Variants in XKR4 observed in about 807,000 individuals in gnomAD.
XKR4 encodes the protein XK-related protein 4.
XKR4 carries 12 observed loss-of-function variants against 53.9 expected under a neutral mutation model. That is an observed-to-expected ratio of 0.22 (90% CI 0.14 to 0.36). The LOEUF is 0.36. XKR4 is among the 10% of genes least tolerant of loss of function. The pLI is 1.00. For missense variants in XKR4, 799 were observed against 859.5 expected, an observed-to-expected ratio of 0.93 and a Z score of 0.88; for synonymous variants, 354 against 362.4, an observed-to-expected ratio of 0.98 and a Z score of 0.26.
chr8:55,272,844 G>A, intron 1 of XKR4: 1 of 429,178 alleles, frequency 2.3e-6, no homozygotes, highest in South Asian at 1.7e-5. Context: ...ATGTTTTAGA[G>A]TAAATTTTAA....
At chr8:55,232,659 T>C (rs1554571303) in intron 1 of XKR4, among the ~76,000 whole-genome samples, 1 of 152,226 alleles carries the variant, frequency 6.6e-6, no homozygotes, top group Non-Finnish European at 1.5e-5. Flanking sequence ...AACCCATTTT[T>C]CAAAAATTAC....
Position 55,397,715 on chromosome 8 carries a change from A to G in XKR4, c.1006+39838A>G, listed in dbSNP as rs145231756. The stretch of plus-strand genomic sequence containing the variant: ...AGCCCGTGGGTGCATTCTAAGTCCC[A>G]TTGTCACAGTCAGCTCATTTTCAGC... On this transcript the variant is annotated intron_variant, in intron 2 of 2. Coordinates refer to ENST00000327381, the MANE Select transcript of XKR4 (RefSeq NM_052898.2). 4.0e-3 allele frequency among the ~76,000 whole-genome samples: 607 copies of G among 152,210 alleles called. 5 individuals carry two copies. The highest frequency in any genetic ancestry group is 0.017 in the Middle Eastern group (5 of 294).
At chr8:55,368,757 CT>C (rs1389206600) in intron 2 of XKR4, among the ~76,000 whole-genome samples, 1 of 152,128 alleles carries the variant, frequency 6.6e-6, no homozygotes, top group Non-Finnish European at 1.5e-5. Flanking sequence ...CTCAAAAGTC[CT>C]CTGACTGAAG....
intron 2 of XKR4, chr8:55,450,149 G>T: frequency 1.5e-6 from 1 of 678,318 alleles, no homozygotes; most frequent in African/African-American, 1.8e-5. Context: ...AACCTCTGCA[G>T]GCGTGAGATG....
At chr8:55,424,631 T>C (rs1318999606) in intron 2 of XKR4, among the ~76,000 whole-genome samples, 2 of 152,252 alleles carry the variant, frequency 1.3e-5, no homozygotes, top group Non-Finnish European at 2.9e-5. Context: ...CACACGTCAG[T>C]ATCACAAAGA....
intron 1 of XKR4, among the ~76,000 whole-genome samples, chr8:55,303,018 C>A (rs1423921765): frequency 2.6e-5 from 4 of 152,084 alleles, no homozygotes; most frequent in Non-Finnish European, 4.4e-5. Flanking sequence ...CCCTGGCCAG[C>A]ACTTCCAACA....
At chr8:55,451,631 A>G (rs2939633) in intron 2 of XKR4, 673,744 of 1,523,508 alleles carry the variant, frequency 0.44, 152,562 homozygotes, top group East Asian at 0.52. Context: ...TAGCAGTAGG[A>G]CACGCGCTGC....
chr8:55,178,625 C>T (rs1246114140), intron 1 of XKR4, among the ~76,000 whole-genome samples: 1 of 152,174 alleles, frequency 6.6e-6, no homozygotes, highest in African/African-American at 2.4e-5. Context: ...GACCCCTGAG[C>T]TGACCATCAG....
chr8:55,211,507 G>C (rs1563484170), intron 1 of XKR4, among the ~76,000 whole-genome samples: 2 of 152,090 alleles, frequency 1.3e-5, no homozygotes, highest in Non-Finnish European at 2.9e-5. Context: ...TCTTTACTAT[G>C]GTATGTCACT....
chr8:55,495,602 G>A (rs1015315288), intron 2 of XKR4, among the ~76,000 whole-genome samples: 1 of 152,188 alleles, frequency 6.6e-6, no homozygotes, highest in African/African-American at 2.4e-5. Flanking sequence ...GGGTGGATTT[G>A]AGGATTGTCT....
intron 1 of XKR4, among the ~76,000 whole-genome samples, chr8:55,213,121 A>G (rs1332932737): frequency 1.3e-5 from 2 of 152,192 alleles, no homozygotes; most frequent in Non-Finnish European, 2.9e-5. Flanking sequence ...GGAATGCCTA[A>G]CTTTCTGAGA....
chr8:55,372,823 G>A (rs749310119), intron 2 of XKR4, among the ~76,000 whole-genome samples: 1 of 152,152 alleles, frequency 6.6e-6, no homozygotes, highest in Non-Finnish European at 1.5e-5. Flanking sequence ...CCTACTGAGG[G>A]ATTTTAAAAC....
intron 1 of XKR4, among the ~76,000 whole-genome samples, chr8:55,137,950 G>A (rs1244811550): frequency 1.3e-5 from 2 of 151,576 alleles, no homozygotes; most frequent in Non-Finnish European, 2.9e-5. Context: ...TAGTATAAAG[G>A]GCACACCCAA....
At chr8:55,137,176 A>G (rs566637662) in intron 1 of XKR4, among the ~76,000 whole-genome samples, 4 of 152,302 alleles carry the variant, frequency 2.6e-5, no homozygotes, top group South Asian at 2.1e-4. Context: ...GCTAGAAAAA[A>G]GGTTAGAAGA....
At chr8:55,374,519 A>C (rs1804119080) in intron 2 of XKR4, among the ~76,000 whole-genome samples, 1 of 152,244 alleles carries the variant, frequency 6.6e-6, no homozygotes, top group Non-Finnish European at 1.5e-5. Context: ...GAGAAGGCCA[A>C]GCGCAGAACT....
Position 55,202,161 on chromosome 8 carries a change from A to C in XKR4, c.806+98867A>C, listed in dbSNP as rs142350578. 4.4e-3 allele frequency among the ~76,000 whole-genome samples: 668 copies of C among 152,348 alleles called. 1 individual carries two copies. Among genetic ancestry groups the C allele is most frequent in the Non-Finnish European group, 7.3e-3 (497 of 68,028 alleles). ...ACAAGGAAGTTGGCTCCAAATTTGA[A>C]GGGCACTTGATAGCTTGGACCTGCC... On this transcript the variant is annotated intron_variant, in intron 1 of 2. Transcript: ENST00000327381.
intron 2 of XKR4, among the ~76,000 whole-genome samples, chr8:55,509,989 C>T (rs1806602861): frequency 6.6e-6 from 1 of 152,128 alleles, no homozygotes; most frequent in Non-Finnish European, 1.5e-5. Context: ...CTTCCACAGC[C>T]TCTCTCTCCC....
intron 2 of XKR4, chr8:55,450,718 A>G (rs1347741408): frequency 6.8e-6 from 4 of 583,984 alleles, no homozygotes; most frequent in Non-Finnish European, 1.3e-5. Context: ...GCGATGACTG[A>G]AGGACAGCCA....
chr8:55,248,150 C>T (rs758669117), intron 1 of XKR4, among the ~76,000 whole-genome samples: 16 of 152,108 alleles, frequency 1.1e-4, no homozygotes, highest in Middle Eastern at 6.8e-3. Flanking sequence ...CCACCATGCC[C>T]AGCCTATTTT....
Sources: allele counts gnomAD v4.1 joint callset (sites outside exome capture counted in the v4.1 genomes callset), GRCh38; gene constraint gnomAD v4.1.1; transcripts MANE v1.5; gene names NCBI Gene and HGNC (gene_info 2026-07-23, HGNC 2026-07-21).